FMN2: variants seen among roughly 807,000 people sequenced by gnomAD.
The protein encoded by FMN2 is formin 2.
Under a neutral mutation model 142.3 loss-of-function variants are expected in FMN2, and 51 were observed. The observed-to-expected ratio is 0.36, with a 90% CI of 0.29 to 0.45. The LOEUF (loss-of-function observed/expected upper bound fraction) is 0.45. FMN2 is among the 20% of genes least tolerant of loss of function. The pLI, the probability that FMN2 is intolerant of heterozygous loss-of-function variation, is 1.00. For synonymous variants in FMN2, 882 were observed against 869.8 expected, an observed-to-expected ratio of 1.01 and a Z score of -0.25; for missense variants, 1,936 against 2,122.8, an observed-to-expected ratio of 0.91 and a Z score of 1.73.
chr1:240,422,512 G>A (rs540110748), intron 15 of FMN2, among the ~76,000 whole-genome samples: 2 of 152,108 alleles, frequency 1.3e-5, no homozygotes, highest in African/African-American at 4.8e-5. Context: ...TGGTGATACT[G>A]TAAGTTATAT....
At position 240,093,257 on chromosome 1, in the gene FMN2, A is replaced by G. The variant is rs1661070191; in HGVS notation, c.1148A>G (p.Glu383Gly). The G allele has an allele frequency of 6.3e-7, 1 of 1,587,378 alleles. No individual in the cohort carries two copies. The highest frequency in any genetic ancestry group is 2.3e-5 in the East Asian group (1 of 44,130). ...DAPQRLGEEP[E>G]EEAQGPDAPA... ...CCGCAGAGGCTGGGGGAAGAGCCGGAGGAGGAGGCGCAAGGACCTGACGCC... is the reference window on the plus strand; with the variant it reads ...CCGCAGAGGCTGGGGGAAGAGCCGGGGGAGGAGGCGCAAGGACCTGACGCC... Residue 383 changes from glutamate to glycine, a missense_variant, in exon 1 of 18, where the codon GAG becomes GGG. Transcript: ENST00000319653.
At chr1:240,348,434 G>T (rs1272392184) in intron 13 of FMN2, among the ~76,000 whole-genome samples, 1 of 151,350 alleles carries the variant, frequency 6.6e-6, no homozygotes, top group African/African-American at 2.4e-5. Flanking sequence ...TGTTGACCAG[G>T]TTGGTCTCGA....
intron 16 of FMN2, among the ~76,000 whole-genome samples, chr1:240,445,837 C>T (rs181757324): frequency 1.3e-5 from 2 of 151,310 alleles, no homozygotes; most frequent in East Asian, 3.9e-4. Context: ...ATTTTAGTGA[C>T]CTAATTGAGA....
In FMN2 at chr1:240,159,905, G is replaced by GTATATATA. The variant is rs34012500; in HGVS notation, c.1783-17996_1783-17989dup. Among the ~76,000 whole-genome samples, 891 of 120,024 alleles carry GTATATATA rather than the reference G, an allele frequency of 7.4e-3. 9 individuals carry two copies. The highest frequency in any genetic ancestry group is 0.022 in the African/African-American group (763 of 33,974). 78.7% of individuals were successfully genotyped at this position (120,024 alleles called of 152,430 possible). ...TGGAGAGATATATATATATATCTGT[G>GTATATATA]TATATATATATATATATATATATAT... On this transcript the variant is annotated intron_variant, in intron 2 of 17. Coordinates refer to ENST00000319653, the MANE Select transcript of FMN2 (RefSeq NM_020066.5).
chr1:240,288,935 G>A (rs749602503), intron 7 of FMN2, among the ~76,000 whole-genome samples: 10 of 152,088 alleles, frequency 6.6e-5, no homozygotes, highest in Non-Finnish European at 1.2e-4. Flanking sequence ...CGTAGCCCCC[G>A]CCAACACTGT....
chr1:240,471,531 C>T (rs1374242035), intron 16 of FMN2: 1 of 152,264 alleles, frequency 6.6e-6, no homozygotes, highest in African/African-American at 2.4e-5. Flanking sequence ...CCCGCCACCA[C>T]ACCCAGCTAA....
At chr1:240,440,325 C>A (rs1271505583) in intron 16 of FMN2, among the ~76,000 whole-genome samples, 2 of 152,166 alleles carry the variant, frequency 1.3e-5, no homozygotes, top group Non-Finnish European at 2.9e-5. Flanking sequence ...AATACATGCC[C>A]CATGACAGCC....
At chr1:240,138,802 T>TGGAGC (rs1319273858) in intron 2 of FMN2, among the ~76,000 whole-genome samples, 1 of 152,216 alleles carries the variant, frequency 6.6e-6, no homozygotes, top group Non-Finnish European at 1.5e-5. Flanking sequence ...GTACAAGAAT[T>TGGAGC]GGAGCTTTTC....
intron 8 of FMN2, among the ~76,000 whole-genome samples, chr1:240,301,960 G>A (rs1280432557): frequency 6.6e-6 from 1 of 151,770 alleles, no homozygotes; most frequent in Non-Finnish European, 1.5e-5. Context: ...TTTGTACTCT[G>A]TTCTCCCAGT....
chr1:240,392,661 C>G, intron 15 of FMN2, 99 bp downstream of exon 15: 2 of 945,222 alleles, frequency 2.1e-6, no homozygotes, highest in Admixed American at 5.3e-5. Context: ...AATTTTCAAG[C>G]ATAAAACAAA....
chr1:240,443,053 G>T (rs921612801), intron 16 of FMN2, among the ~76,000 whole-genome samples: 2 of 152,100 alleles, frequency 1.3e-5, no homozygotes, highest in African/African-American at 2.4e-5. Context: ...AATAAAAATG[G>T]TATCCTGGTC....
intron 2 of FMN2, among the ~76,000 whole-genome samples, chr1:240,164,625 G>A (rs1664404464): frequency 6.6e-6 from 1 of 152,054 alleles, no homozygotes; most frequent in Non-Finnish European, 1.5e-5. Context: ...TAGAATTCTA[G>A]TAGGCAGTTT....
At chr1:240,420,283 T>A (rs1674718335) in intron 15 of FMN2, among the ~76,000 whole-genome samples, 1 of 152,044 alleles carries the variant, frequency 6.6e-6, no homozygotes, top group Non-Finnish European at 1.5e-5. Flanking sequence ...TGTGCCTACT[T>A]CTCTCAGCTT....
intron 6 of FMN2, among the ~76,000 whole-genome samples, chr1:240,250,686 G>C (rs1029184951): frequency 3.9e-5 from 6 of 152,138 alleles, no homozygotes; most frequent in African/African-American, 1.4e-4. Flanking sequence ...TGTACGTTTT[G>C]TAGAATTTGG....
chr1:240,448,451 A>G (rs989610986), intron 16 of FMN2, among the ~76,000 whole-genome samples: 3 of 152,196 alleles, frequency 2.0e-5, no homozygotes, highest in African/African-American at 7.2e-5. Context: ...CTCCATGGGA[A>G]GAGTCCTATT....
At chr1:240,116,721 A>T (rs1188827500) in intron 1 of FMN2, among the ~76,000 whole-genome samples, 1 of 151,988 alleles carries the variant, frequency 6.6e-6, no homozygotes. Context: ...GGGCCACTGC[A>T]TTCCGGCCTG....
chr1:240,201,524 A>G (rs1026135846), intron 4 of FMN2, among the ~76,000 whole-genome samples: 9 of 152,180 alleles, frequency 5.9e-5, no homozygotes, highest in African/African-American at 2.2e-4. Flanking sequence ...GGGGAAATTA[A>G]TGAGGTTCTC....
chr1:240,383,811 A>G (rs1213481722), intron 14 of FMN2, among the ~76,000 whole-genome samples: 2 of 152,032 alleles, frequency 1.3e-5, no homozygotes, highest in Admixed American at 6.6e-5. Context: ...TTACAGCACT[A>G]TTCTCAGTGG....
chr1:240,396,656 C>A (rs903945470), intron 15 of FMN2, among the ~76,000 whole-genome samples: 1 of 152,046 alleles, frequency 6.6e-6, no homozygotes, highest in African/African-American at 2.4e-5. Flanking sequence ...ATGCTTATGT[C>A]TATGTGTGGT....
Sources: gnomAD v4.1 joint callset for allele counts (sites outside exome capture counted in the v4.1 genomes callset) on GRCh38, gnomAD v4.1.1 for gene constraint, MANE v1.5 for transcripts, NCBI Gene and HGNC (gene_info 2026-07-23, HGNC 2026-07-21) for gene names.